Variants in METTL24 observed in about 807,000 individuals in gnomAD.
METTL24 encodes the protein methyltransferase like 24.
A neutral mutation model predicts 32.7 loss-of-function variants in METTL24; 29 were observed. That is an observed-to-expected ratio of 0.89 (90% confidence interval 0.66 to 1.21). The LOEUF is 1.21. Among genes scored for constraint, METTL24 ranks in the 50% most tolerant of loss-of-function variants. The pLI is 0.00. For missense variants in METTL24, 439 were observed against 468.1 expected (o/e 0.94, Z 0.57); for synonymous variants, 163 against 179.5 (o/e 0.91, Z 0.73).
chr6:110,300,800 C>T (rs571309179), intron 3 of METTL24, among the ~76,000 whole-genome samples: 8 of 149,570 alleles, frequency 5.3e-5, no homozygotes, highest in African/African-American at 1.5e-4. Flanking sequence ...TGAAAATATT[C>T]GAAAAAACAA....
chr6:110,306,700 T>C (rs1356878078), intron 3 of METTL24, among the ~76,000 whole-genome samples: 1 of 152,206 alleles, frequency 6.6e-6, no homozygotes, highest in Non-Finnish European at 1.5e-5. Context: ...TTTGCAATGG[T>C]ACTTCTTCAA....
intron 3 of METTL24, among the ~76,000 whole-genome samples, chr6:110,304,329 G>A (rs757954277): frequency 1.3e-5 from 2 of 152,176 alleles, no homozygotes; most frequent in Admixed American, 1.3e-4. Flanking sequence ...TTGACAAACT[G>A]ACAGAAGTAG....
intron 3 of METTL24, among the ~76,000 whole-genome samples, chr6:110,307,021 G>A (rs1451715435): frequency 6.6e-6 from 1 of 152,230 alleles, no homozygotes; most frequent in Non-Finnish European, 1.5e-5. Context: ...ATAGATGAGT[G>A]ATGACAGACA....
At chr6:110,254,369 C>T (rs11757487) in intron 4 of METTL24, 10,912 of 152,002 alleles carry the variant, frequency 0.072, 577 homozygotes, top group African/African-American at 0.16. Context: ...GCGTGGTTCA[C>T]GCCTATAATC....
chr6:110,262,484 C>T lies in METTL24; in HGVS notation c.787-16224G>A, dbSNP rs1008596909. Among the ~76,000 whole-genome samples the T allele has an allele frequency of 5.9e-5, 9 of 152,068 alleles. No homozygotes were observed. The East Asian group carries it at 1.2e-3, about 20-fold the overall frequency. ...ATTGAGACAATAATTAATAGCTTAC[C>T]AACCAAAAAAAAGTCCAGGACCAGA... On this transcript the variant is annotated intron_variant, in intron 4 of 4. Coordinates refer to ENST00000338882, the MANE Select transcript of METTL24 (RefSeq NM_001123364.3).
At chr6:110,318,586 A>T (rs2114750387) in intron 2 of METTL24, among the ~76,000 whole-genome samples, 1 of 145,094 alleles carries the variant, frequency 6.9e-6, no homozygotes, top group East Asian at 2.2e-4. Flanking sequence ...GGGAGGGCGG[A>T]GGTTGCAGTG....
chr6:110,302,030 C>G (rs984199741), intron 3 of METTL24, among the ~76,000 whole-genome samples: 7 of 152,110 alleles, frequency 4.6e-5, no homozygotes, highest in Non-Finnish European at 8.8e-5. Context: ...AATCCCAGCA[C>G]TTTAGGAGGC....
intron 4 of METTL24, among the ~76,000 whole-genome samples, chr6:110,286,120 T>A (rs956911163): frequency 6.6e-6 from 1 of 152,078 alleles, no homozygotes; most frequent in Non-Finnish European, 1.5e-5. Context: ...CACCTTACAA[T>A]AGGAGAAACT....
chr6:110,324,907 T>A (rs1340920144), intron 1 of METTL24, among the ~76,000 whole-genome samples: 1 of 152,238 alleles, frequency 6.6e-6, no homozygotes, highest in African/African-American at 2.4e-5. Context: ...GAGGCACTCA[T>A]GGTCAGGTGG....
At chr6:110,311,097 G>A (rs543528739) in intron 3 of METTL24, among the ~76,000 whole-genome samples, 3 of 152,200 alleles carry the variant, frequency 2.0e-5, no homozygotes, top group Admixed American at 1.3e-4. Flanking sequence ...CTGGGAACCC[G>A]GGGCCACCTT....
chr6:110,295,625 C>T (rs1321997692), intron 4 of METTL24, among the ~76,000 whole-genome samples: 1 of 152,206 alleles, frequency 6.6e-6, no homozygotes, highest in Non-Finnish European at 1.5e-5. Flanking sequence ...CAAGGCTGTT[C>T]AGCGCCTGGA....
chr6:110,294,121 C>T (rs752189910), intron 4 of METTL24, among the ~76,000 whole-genome samples: 2 of 151,916 alleles, frequency 1.3e-5, no homozygotes, highest in Non-Finnish European at 2.9e-5. Flanking sequence ...CTTTCTATTG[C>T]ATTTTTTATT....
intron 3 of METTL24, among the ~76,000 whole-genome samples, chr6:110,311,059 C>T (rs1017674748): frequency 2.0e-5 from 3 of 152,166 alleles, no homozygotes; most frequent in African/African-American, 7.2e-5. Context: ...CCCCACCTAG[C>T]TCAAAACTGT....
chr6:110,269,557 A>G lies in METTL24; in HGVS notation c.787-23297T>C, dbSNP rs541635844. ...ACAATTTAACCTACATAGAGCTATG[A>G]TAAAAAATGAGAGCTGATCTTTCTT... On this transcript the variant is annotated intron_variant, in intron 4 of 4. Coordinates refer to ENST00000338882, the MANE Select transcript of METTL24 (RefSeq NM_001123364.3). Among the ~76,000 whole-genome samples, 6 of 152,330 alleles carry G rather than the reference A, an allele frequency of 3.9e-5. No homozygotes were observed. The South Asian group carries it at 1.2e-3, about 32-fold the overall frequency.
rs563261276 is a variant in METTL24, at chr6:110,261,876, T to A, written c.787-15616A>T. On this transcript the variant is annotated intron_variant, in intron 4 of 4. Transcript: ENST00000338882. ...TGCTCCTGAATGACTACTGGGTACA[T>A]AACGAAATGAAGGCAGAAATAAAGA... Among the ~76,000 whole-genome samples, 6 of 152,118 alleles carry A rather than the reference T, an allele frequency of 3.9e-5. No individual in the cohort carries two copies. The South Asian group carries it at 1.2e-3, about 32-fold the overall frequency.
chr6:110,247,038 G>A (rs1350520773), intron 4 of METTL24, among the ~76,000 whole-genome samples: 1 of 151,642 alleles, frequency 6.6e-6, no homozygotes, highest in Non-Finnish European at 1.5e-5. Flanking sequence ...GGAAGAAGAG[G>A]ATTGTAATAT....
At chr6:110,337,990 T>C (rs1772274101) in intron 1 of METTL24, among the ~76,000 whole-genome samples, 1 of 152,214 alleles carries the variant, frequency 6.6e-6, no homozygotes, top group Non-Finnish European at 1.5e-5. Flanking sequence ...TTGCTGCTTT[T>C]ACAGTCCCCC....
At chr6:110,338,386 T>C (rs996957927) in intron 1 of METTL24, among the ~76,000 whole-genome samples, 8 of 152,124 alleles carry the variant, frequency 5.3e-5, no homozygotes, top group Non-Finnish European at 1.2e-4. Context: ...TAATACCAGC[T>C]ACTCAGGAAG....
intron 4 of METTL24, among the ~76,000 whole-genome samples, chr6:110,271,204 C>T (rs775635362): frequency 2.1e-4 from 32 of 152,088 alleles, no homozygotes; most frequent in Non-Finnish European, 3.8e-4. Flanking sequence ...GGTTACTTTA[C>T]TTTGAAGGAC....
Sources: allele counts gnomAD v4.1 joint callset (sites outside exome capture counted in the v4.1 genomes callset), GRCh38; gene constraint gnomAD v4.1.1; transcripts MANE v1.5; gene names NCBI Gene and HGNC (gene_info 2026-07-23, HGNC 2026-07-21).